Variants in DNER observed in about 807,000 individuals in gnomAD.
DNER encodes the protein delta/notch like EGF repeat containing, also known as delta and Notch-like epidermal growth factor-related receptor.
Under a neutral mutation model 78.2 loss-of-function variants are expected in DNER, and 33 were observed. The ratio of observed to expected loss-of-function variants is 0.42; its 90% CI spans 0.32 to 0.56. The LOEUF is 0.56. Ranked by LOEUF, DNER falls within the 20% of genes least tolerant of loss-of-function variation. The probability of loss-of-function intolerance (pLI) is 0.11; values close to 1 mark genes in which losing one functional copy is unlikely to be tolerated. For synonymous variants in DNER, 417 were observed against 384.8 expected (o/e 1.08, Z -0.98); for missense variants, 918 against 975.3 (o/e 0.94, Z 0.78).
At chr2:229,631,156 A>G (rs1698427991) in intron 1 of DNER, among the ~76,000 whole-genome samples, 1 of 152,232 alleles carries the variant, frequency 6.6e-6, no homozygotes, top group Non-Finnish European at 1.5e-5. Flanking sequence ...TACACCCAGT[A>G]ATGGGCTTGC....
intron 1 of DNER, among the ~76,000 whole-genome samples, chr2:229,691,863 C>A (rs1227247364): frequency 5.9e-5 from 9 of 152,162 alleles, no homozygotes; most frequent in Admixed American, 4.6e-4. Context: ...GAGATGCACA[C>A]GTGACCCAAG....
chr2:229,394,907 T>A (rs771310369), intron 10 of DNER, among the ~76,000 whole-genome samples: 5 of 152,220 alleles, frequency 3.3e-5, no homozygotes, highest in Non-Finnish European at 5.9e-5. Flanking sequence ...GTTTTCTCCA[T>A]TTACATCTGT....
chr2:229,487,792 G>A (rs1272090749), intron 6 of DNER, among the ~76,000 whole-genome samples: 2 of 152,224 alleles, frequency 1.3e-5, no homozygotes, highest in African/African-American at 4.8e-5. Flanking sequence ...GGCTCCAGAT[G>A]AGGAGGTAAG....
chr2:229,638,784 C>T (rs1163007251), intron 1 of DNER, among the ~76,000 whole-genome samples: 1 of 152,192 alleles, frequency 6.6e-6, no homozygotes, highest in Non-Finnish European at 1.5e-5. Context: ...ACTACTAAGA[C>T]ATATAGTCAT....
At chr2:229,361,625 C>T (rs886296387) in intron 12 of DNER, among the ~76,000 whole-genome samples, 1 of 152,122 alleles carries the variant, frequency 6.6e-6, no homozygotes, top group African/African-American at 2.4e-5. Flanking sequence ...CTCCAAAGGA[C>T]GTGTCAATGT....
intron 5 of DNER, among the ~76,000 whole-genome samples, chr2:229,545,062 C>T (rs372355778): frequency 6.6e-6 from 1 of 152,172 alleles, no homozygotes; most frequent in Non-Finnish European, 1.5e-5. Context: ...ACAAACCATG[C>T]TCTTTTGGGG....
intron 11 of DNER, among the ~76,000 whole-genome samples, chr2:229,370,364 G>A (rs721941): frequency 0.14 from 20,765 of 152,184 alleles, 2,041 homozygotes; most frequent in East Asian, 0.52. Context: ...TTTGAAGCCT[G>A]GTTTGTCATT....
intron 1 of DNER, among the ~76,000 whole-genome samples, chr2:229,709,675 G>A (rs924575961): frequency 6.6e-6 from 1 of 152,152 alleles, no homozygotes; most frequent in East Asian, 1.9e-4. Flanking sequence ...TGCATGAAAA[G>A]CAGCCACACA....
At chr2:229,599,660 A>C (rs183694276) in intron 1 of DNER, among the ~76,000 whole-genome samples, 1 of 152,360 alleles carries the variant, frequency 6.6e-6, no homozygotes, top group African/African-American at 2.4e-5. Flanking sequence ...CAACTCCATG[A>C]GTAAATTTAA....
At chr2:229,685,897 C>T (rs1489768733) in intron 1 of DNER, among the ~76,000 whole-genome samples, 1 of 151,998 alleles carries the variant, frequency 6.6e-6, no homozygotes, top group East Asian at 1.9e-4. Flanking sequence ...TGTGAGGCAT[C>T]GGAGGAGGGC....
intron 4 of DNER, among the ~76,000 whole-genome samples, chr2:229,581,669 A>G (rs1190606033): frequency 6.6e-6 from 1 of 152,230 alleles, no homozygotes; most frequent in Admixed American, 6.5e-5. Flanking sequence ...CCATAAAGAA[A>G]TGAACTGTAG....
intron 9 of DNER, among the ~76,000 whole-genome samples, chr2:229,414,946 T>C (rs1693612492): frequency 1.3e-5 from 2 of 152,138 alleles, no homozygotes; most frequent in South Asian, 2.1e-4. Context: ...GTGGATCACC[T>C]GAGGTCGGGA....
intron 1 of DNER, among the ~76,000 whole-genome samples, chr2:229,604,911 C>A (rs1216197502): frequency 6.6e-6 from 1 of 152,034 alleles, no homozygotes; most frequent in Non-Finnish European, 1.5e-5. Flanking sequence ...GAGCAGGTGG[C>A]CCTAGATATC....
At chr2:229,651,719 C>T (rs1031993415) in intron 1 of DNER, among the ~76,000 whole-genome samples, 11 of 152,162 alleles carry the variant, frequency 7.2e-5, no homozygotes, top group Admixed American at 5.9e-4. Context: ...ATGAATTTAG[C>T]CAAGGGGACC....
Position 229,625,911 on chromosome 2 carries a change from TTG to T in DNER, c.277-34025_277-34024del, listed in dbSNP as rs1344439225. Among the ~76,000 whole-genome samples, 987 of 144,594 alleles carry T rather than the reference TTG, an allele frequency of 6.8e-3. 11 individuals are homozygous for T. Among genetic ancestry groups the T allele is most frequent in the African/African-American group, 0.025 (956 of 38,130 alleles). 94.9% of individuals were successfully genotyped at this position (144,594 alleles called of 152,430 possible). A position where few individuals can be genotyped will look rare whatever the true frequency, so the allele number is the denominator to read the frequency against. On this transcript the variant is annotated intron_variant, in intron 1 of 12. Coordinates refer to ENST00000341772, the MANE Select transcript of DNER (RefSeq NM_139072.4). ...GTTTTTGTTGTTTTTGTTGTTGTTG[TTG>T]TTGTTTGTTTTTTGTTTTTTTTTTG...
chr2:229,469,772 G>A (rs1225057832), intron 7 of DNER, among the ~76,000 whole-genome samples: 4 of 152,140 alleles, frequency 2.6e-5, no homozygotes, highest in African/African-American at 9.7e-5. Flanking sequence ...GCGAAATCCC[G>A]TCTCAACTAA....
chr2:229,505,535 C>T (rs1334818211), intron 6 of DNER, among the ~76,000 whole-genome samples: 1 of 152,076 alleles, frequency 6.6e-6, no homozygotes, highest in Non-Finnish European at 1.5e-5. Flanking sequence ...CTGACAGAGG[C>T]AGGGGTGACC....
At chr2:229,692,709 C>G (rs1263729351) in intron 1 of DNER, among the ~76,000 whole-genome samples, 2 of 151,946 alleles carry the variant, frequency 1.3e-5, no homozygotes, top group African/African-American at 4.8e-5. Flanking sequence ...GTCTTACTTG[C>G]CAAAAAATAA....
chr2:229,487,464 A>G (rs1350843550), intron 6 of DNER, among the ~76,000 whole-genome samples: 1 of 152,244 alleles, frequency 6.6e-6, no homozygotes, highest in African/African-American at 2.4e-5. Flanking sequence ...TTCAATACTT[A>G]GAATTCAATA....
Sources: allele counts gnomAD v4.1 joint callset (sites outside exome capture counted in the v4.1 genomes callset), GRCh38; gene constraint gnomAD v4.1.1; transcripts MANE v1.5; gene names NCBI Gene and HGNC (gene_info 2026-07-23, HGNC 2026-07-21).